Variants in STPG2 observed in about 807,000 individuals in gnomAD.
The protein encoded by STPG2 is sperm tail PG-rich repeat containing 2, also known as sperm-tail PG-rich repeat-containing protein 2.
STPG2 carries 56 observed loss-of-function variants against 54.2 expected under a neutral mutation model. That is an observed-to-expected ratio of 1.03 (90% CI 0.83 to 1.29). The LOEUF (loss-of-function observed/expected upper bound fraction) is 1.29. Among genes scored for constraint, STPG2 ranks in the 50% most tolerant of loss-of-function variants. The pLI is 0.00. For missense variants in STPG2, 596 were observed against 544.9 expected, an observed-to-expected ratio of 1.09 and a Z score of -0.93; for synonymous variants, 200 against 181.8, an observed-to-expected ratio of 1.10 and a Z score of -0.81.
Position 97,681,574 on chromosome 4 carries a change from A to C in STPG2, c.1320+31125T>G, listed in dbSNP as rs192178373. Among the ~76,000 whole-genome samples the C allele has an allele frequency of 6.2e-3, 950 of 152,004 alleles. 14 individuals carry two copies. The highest frequency in any genetic ancestry group is 0.021 in the African/African-American group (893 of 41,552). On this transcript the variant is annotated intron_variant, in intron 10 of 10. Coordinates refer to ENST00000295268, the MANE Select transcript of STPG2 (RefSeq NM_174952.3). ...TTTTTATGGTAAATGATAGCACGAC[A>C]GGGGAAACTCCTTCTTGTCAATTGG...
At chr4:97,845,506 G>C (rs1728922425) in intron 8 of STPG2, among the ~76,000 whole-genome samples, 1 of 151,934 alleles carries the variant, frequency 6.6e-6, no homozygotes, top group Non-Finnish European at 1.5e-5. Flanking sequence ...TATTTGCTTT[G>C]CATATATGTG....
intron 9 of STPG2, among the ~76,000 whole-genome samples, chr4:97,779,380 GA>G (rs1219491294): frequency 6.6e-6 from 1 of 151,752 alleles, no homozygotes; most frequent in Non-Finnish European, 1.5e-5. Flanking sequence ...GAAGTTTAGA[GA>G]AAAAAAGGGT....
chr4:97,550,983 G>A (rs1731952666), intron 4 of STPG2, among the ~76,000 whole-genome samples: 1 of 151,516 alleles, frequency 6.6e-6, no homozygotes, highest in African/African-American at 2.4e-5. Context: ...TTGCGAAGAA[G>A]GAAAGAACAA....
At chr4:97,732,811 A>C (rs761953844) in intron 9 of STPG2, among the ~76,000 whole-genome samples, 3 of 151,810 alleles carry the variant, frequency 2.0e-5, no homozygotes, top group Non-Finnish European at 4.4e-5. Context: ...GAAGATATAA[A>C]AATGGCCAAC....
At chr4:97,845,660 G>A (rs1358819799) in intron 8 of STPG2, among the ~76,000 whole-genome samples, 1 of 152,096 alleles carries the variant, frequency 6.6e-6, no homozygotes, top group Non-Finnish European at 1.5e-5. Context: ...ACACCAATGA[G>A]TAAGTCTTGA....
At chr4:97,718,629 T>C (rs768483760) in intron 9 of STPG2, among the ~76,000 whole-genome samples, 1 of 152,006 alleles carries the variant, frequency 6.6e-6, no homozygotes, top group Admixed American at 6.6e-5. Context: ...TTTTTTACAT[T>C]CATTGGATAT....
intron 9 of STPG2, among the ~76,000 whole-genome samples, chr4:97,769,374 C>A (rs1457069825): frequency 2.0e-5 from 3 of 152,120 alleles, no homozygotes. Context: ...GACATGTGAG[C>A]AAGCCCAGTC....
At chr4:97,897,157 T>C (rs1730988193) in intron 8 of STPG2, among the ~76,000 whole-genome samples, 1 of 152,058 alleles carries the variant, frequency 6.6e-6, no homozygotes, top group African/African-American at 2.4e-5. Context: ...AAATATGCAG[T>C]ATTTGGTTTT....
In STPG2 at chr4:98,134,430, C is replaced by T. The variant is rs776906107; in HGVS notation, c.139G>A (p.Ala47Thr). 2.5e-6 allele frequency: 4 copies of T among 1,587,000 alleles called. No individual in the cohort carries two copies. In the Admixed American group the frequency reaches 5.2e-5, roughly 21 times the overall value. ...GSNAPFLSLTARESTFTIASS... is the reference protein window; with the variant it reads ...GSNAPFLSLTTRESTFTIASS... ...GCAATGGTAAAAGTACTTTCTCTGG[C>T]AGTCAAAGAAAGAAATGGTGCATTA... Residue 47 changes from alanine to threonine, a missense_variant, in exon 2 of 11, where the codon GCC (alanine) becomes ACC (threonine). Ala to Thr is a moderately conservative substitution (Grantham distance 58). Coordinates refer to ENST00000295268, the MANE Select transcript of STPG2 (RefSeq NM_174952.3).
chr4:97,556,227 T>C (rs1369382459), downstream of STPG2, among the ~76,000 whole-genome samples: 1 of 152,128 alleles, frequency 6.6e-6, no homozygotes, highest in Non-Finnish European at 1.5e-5. Flanking sequence ...TACTAATATA[T>C]AAGCAAGAAA....
intron 9 of STPG2, among the ~76,000 whole-genome samples, chr4:97,767,963 T>C (rs182189320): frequency 2.3e-4 from 35 of 152,066 alleles, no homozygotes; most frequent in Admixed American, 5.9e-4. Flanking sequence ...GTCAGGAGAT[T>C]GAGGTCATCC....
Position 97,476,345 on chromosome 4 carries a change from T to G in STPG2, c.462+236354A>C, listed in dbSNP as rs1214026417. On this transcript the variant is annotated intron_variant, in intron 4 of 4. Coordinates refer to the STPG2 transcript ENST00000522676. ...CTTTCATAATCAAAATTTTCTAATT[T>G]GTTATTTTAACTTAAAAAATTTTTC... Among the ~76,000 whole-genome samples the G allele has an allele frequency of 3.3e-5, 5 of 152,294 alleles. No individual in the cohort carries two copies. The South Asian group carries it at 6.2e-4, about 19-fold the overall frequency.
At chr4:97,675,435 G>A (rs530884167) in intron 10 of STPG2, among the ~76,000 whole-genome samples, 4 of 152,122 alleles carry the variant, frequency 2.6e-5, no homozygotes, top group East Asian at 1.9e-4. Flanking sequence ...GAAATCCACC[G>A]ACCTGGGGCA....
In STPG2 at chr4:97,721,429, A is replaced by G. The variant is rs112919622; in HGVS notation, c.1205-8615T>C. Among the ~76,000 whole-genome samples the G allele has an allele frequency of 4.2e-3, 646 of 152,274 alleles. 2 individuals are homozygous for G. Among genetic ancestry groups the G allele is most frequent in the Middle Eastern group, 0.02 (6 of 294 alleles). The stretch of plus-strand genomic sequence containing the variant: ...GTGCAACAATACAGGAGCATATCCT[A>G]TTTCAAATACTGAAAGTCAAGAAGC... On this transcript the variant is annotated intron_variant, in intron 9 of 10. Coordinates refer to ENST00000295268, the MANE Select transcript of STPG2 (RefSeq NM_174952.3).
intron 9 of STPG2, among the ~76,000 whole-genome samples, chr4:97,795,110 T>C (rs1727123213): frequency 6.6e-6 from 1 of 152,210 alleles, no homozygotes; most frequent in African/African-American, 2.4e-5. Flanking sequence ...CTTGATTCTC[T>C]GAATTTCTAT....
chr4:97,551,642 C>T (rs745699018), intron 4 of STPG2, among the ~76,000 whole-genome samples: 23 of 152,272 alleles, frequency 1.5e-4, no homozygotes, highest in Non-Finnish European at 3.2e-4. Context: ...TCAAGGGAAA[C>T]CTAAATTCTA....
chr4:97,933,744 T>C (rs752200888), intron 8 of STPG2, among the ~76,000 whole-genome samples: 8 of 152,146 alleles, frequency 5.3e-5, no homozygotes, highest in Non-Finnish European at 1.2e-4. Context: ...GTCCCAGTAC[T>C]ATGCTGTTTT....
At chr4:97,845,066 C>T (rs1728908862) in intron 8 of STPG2, among the ~76,000 whole-genome samples, 1 of 151,624 alleles carries the variant, frequency 6.6e-6, no homozygotes, top group Non-Finnish European at 1.5e-5. Flanking sequence ...TATTGGCTCA[C>T]TGCTAGCATG....
intron 4 of STPG2, among the ~76,000 whole-genome samples, chr4:97,538,874 T>G (rs1376663311): frequency 6.6e-6 from 1 of 151,912 alleles, no homozygotes; most frequent in Non-Finnish European, 1.5e-5. Flanking sequence ...CAGAAGAGAG[T>G]GGGGGCCAAT....
Sources: gnomAD v4.1 joint callset for allele counts (sites outside exome capture counted in the v4.1 genomes callset) on GRCh38, gnomAD v4.1.1 for gene constraint, MANE v1.5 for transcripts, NCBI Gene and HGNC (gene_info 2026-07-23, HGNC 2026-07-21) for gene names.